Variants in PARD3B observed in about 807,000 individuals in gnomAD.
PARD3B encodes partitioning defective 3 homolog B.
A neutral mutation model predicts 130.2 loss-of-function variants in PARD3B; 103 were observed. That is an observed-to-expected ratio of 0.79 (90% CI 0.67 to 0.93). The LOEUF (loss-of-function observed/expected upper bound fraction) is 0.93. Ranked by LOEUF, PARD3B falls within the 40% of genes least tolerant of loss-of-function variation. PARD3B has a pLI of 0.00. For synonymous variants in PARD3B, 583 were observed against 553.2 expected (o/e 1.05, Z -0.76); for missense variants, 1,609 against 1,499.2 (o/e 1.07, Z -1.21).
intron 2 of PARD3B, among the ~76,000 whole-genome samples, chr2:204,792,138 TA>T (rs1242019016): frequency 7.2e-5 from 11 of 152,210 alleles, no homozygotes; most frequent in Admixed American, 3.3e-4. Flanking sequence ...GTTACAAATC[TA>T]ATTTAGAAAG....
At chr2:204,772,488 A>C (rs887289053) in intron 2 of PARD3B, among the ~76,000 whole-genome samples, 1 of 152,110 alleles carries the variant, frequency 6.6e-6, no homozygotes, top group Non-Finnish European at 1.5e-5. Context: ...CCATGGTTTT[A>C]ATCAAATATT....
chr2:204,675,082 A>G lies in PARD3B; in HGVS notation c.121-11099A>G, dbSNP rs947489550. Among the ~76,000 whole-genome samples the G allele has an allele frequency of 2.6e-5, 4 of 152,144 alleles. No homozygotes were observed. Among genetic ancestry groups the G allele is most frequent in the African/African-American group, 9.7e-5 (4 of 41,446 alleles). ...GCTTTGAATTCCTCTGGACCACACAAGTTTCTAAAACCTTGGCATCCAGGG... is the reference window on the plus strand; with the variant it reads ...GCTTTGAATTCCTCTGGACCACACAGGTTTCTAAAACCTTGGCATCCAGGG... On this transcript the variant is annotated intron_variant, in intron 1 of 22. Coordinates refer to ENST00000406610, the MANE Select transcript of PARD3B (RefSeq NM_001302769.2). This position sits in a 1 kb window ranked among gnomAD's most constrained non-coding sequence, Gnocchi z 4.4.
chr2:205,370,907 G>A (rs1034391989), intron 18 of PARD3B, among the ~76,000 whole-genome samples: 3 of 152,112 alleles, frequency 2.0e-5, no homozygotes, highest in Middle Eastern at 3.2e-3. Flanking sequence ...CTTTTGGCTT[G>A]TGGGTGGTCT....
chr2:205,006,267 G>A (rs1214207290), intron 3 of PARD3B, among the ~76,000 whole-genome samples: 4 of 152,152 alleles, frequency 2.6e-5, no homozygotes, highest in East Asian at 3.9e-4. Flanking sequence ...TTGTGCTGCT[G>A]TAAACGTGTG....
At chr2:204,557,034 C>T (rs1340315513) in intron 1 of PARD3B, among the ~76,000 whole-genome samples, 1 of 151,192 alleles carries the variant, frequency 6.6e-6, no homozygotes, top group Non-Finnish European at 1.5e-5. Flanking sequence ...CAGAGTCTCA[C>T]CCAGGGGCTT....
At chr2:205,109,243 C>T (rs1432134533) in intron 5 of PARD3B, among the ~76,000 whole-genome samples, 3 of 152,202 alleles carry the variant, frequency 2.0e-5, no homozygotes, top group Admixed American at 6.5e-5. Context: ...AGGTTATCCA[C>T]AGATTCTTCC....
At chr2:205,431,519 G>C (rs1394323916) in intron 19 of PARD3B, among the ~76,000 whole-genome samples, 1 of 150,814 alleles carries the variant, frequency 6.6e-6, no homozygotes, top group Admixed American at 6.6e-5. Context: ...GTCCAGGCTT[G>C]AGTGCAGTGG....
chr2:205,509,478 C>G (rs189133892), intron 21 of PARD3B, among the ~76,000 whole-genome samples: 4 of 152,250 alleles, frequency 2.6e-5, no homozygotes, highest in Admixed American at 2.6e-4. Flanking sequence ...TGGCACCCCA[C>G]TTAAGCCCAC....
At chr2:204,738,174 T>C (rs541290702) in intron 2 of PARD3B, among the ~76,000 whole-genome samples, 1 of 152,336 alleles carries the variant, frequency 6.6e-6, no homozygotes, top group South Asian at 2.1e-4. Flanking sequence ...AGTATGGTCA[T>C]TTTCACAATA....
chr2:205,462,902 T>A (rs991600970), intron 20 of PARD3B, among the ~76,000 whole-genome samples: 1 of 152,148 alleles, frequency 6.6e-6, no homozygotes, highest in Non-Finnish European at 1.5e-5. Context: ...GGCTCATGGG[T>A]CAAAGCCTTC....
intron 1 of PARD3B, among the ~76,000 whole-genome samples, chr2:204,558,643 A>T (rs543798256): frequency 6.6e-5 from 10 of 152,210 alleles, no homozygotes; most frequent in African/African-American, 9.7e-5. Flanking sequence ...ATTCAGTGCC[A>T]TCCCCATCAA....
At chr2:204,591,790 C>T (rs551963372) in intron 1 of PARD3B, among the ~76,000 whole-genome samples, 4 of 152,224 alleles carry the variant, frequency 2.6e-5, no homozygotes, top group South Asian at 2.1e-4. Context: ...TAAATTTTTA[C>T]GAACTTTTAC....
chr2:205,114,572 T>G (rs1184497845), intron 6 of PARD3B, among the ~76,000 whole-genome samples: 2 of 152,128 alleles, frequency 1.3e-5, no homozygotes, highest in Non-Finnish European at 2.9e-5. Flanking sequence ...AACTTCTCAC[T>G]TCATTGTTCT....
At chr2:205,496,427 G>A (rs899811849) in intron 20 of PARD3B, among the ~76,000 whole-genome samples, 4 of 152,104 alleles carry the variant, frequency 2.6e-5, no homozygotes, top group African/African-American at 7.2e-5. Flanking sequence ...TTGAGACATC[G>A]TCCCAGGTTA....
chr2:205,297,732 A>T (rs925428450), intron 16 of PARD3B, among the ~76,000 whole-genome samples: 2 of 152,106 alleles, frequency 1.3e-5, no homozygotes, highest in South Asian at 2.1e-4. Context: ...AATAAATAGA[A>T]TTTTTTTTCC....
intron 4 of PARD3B, chr2:205,048,675 A>C (rs1305792321): frequency 6.6e-6 from 1 of 152,208 alleles, no homozygotes; most frequent in Non-Finnish European, 1.5e-5. Context: ...GATTTGGTAT[A>C]AAATATTCTT....
rs541630213 is a variant in PARD3B at position 205,242,937 on chromosome 2, C to T, written c.2141-2841C>T. 2.0e-5 allele frequency among the ~76,000 whole-genome samples: 3 copies of T among 152,266 alleles called. No individual in the cohort carries two copies. The East Asian group carries it at 5.8e-4, about 29-fold the overall frequency. ...ATCCCAGCGCTTTGGGAGGCCAAAG[C>T]AGGCGGATCACCTGAGGTCAGGAGT... On this transcript the variant is annotated intron_variant, in intron 15 of 22. Coordinates refer to ENST00000406610, the MANE Select transcript of PARD3B (RefSeq NM_001302769.2).
At chr2:205,542,694 T>C (rs1465943019) in intron 21 of PARD3B, among the ~76,000 whole-genome samples, 1 of 152,174 alleles carries the variant, frequency 6.6e-6, no homozygotes, top group Non-Finnish European at 1.5e-5. Flanking sequence ...ATTCATCTTA[T>C]TGTATACGGT....
At position 205,258,483 on chromosome 2, in the gene PARD3B, C is replaced by T. The variant is rs1335946356; in HGVS notation, c.2185+12661C>T. 6.6e-6 allele frequency among the ~76,000 whole-genome samples: 1 copy of T among 152,144 alleles called. No homozygotes were observed. The highest frequency in any genetic ancestry group is 1.5e-5 in the Non-Finnish European group (1 of 68,004). On this transcript the variant is annotated intron_variant, in intron 16 of 22. Transcript: ENST00000406610. The surrounding 1 kb of genome is among the most constrained non-coding windows in gnomAD (Gnocchi z 4.9). ...TTTCTCTCACCTTACTGTTTACCTC[C>T]TTATAGAGCTAATCACAGTCTGTAG...
Sources: gnomAD v4.1 joint callset for allele counts (sites outside exome capture counted in the v4.1 genomes callset) on GRCh38, gnomAD v4.1.1 for gene constraint, Gnocchi (gnomAD v3.1) non-coding constraint, MANE v1.5 for transcripts, NCBI Gene and HGNC (gene_info 2026-07-23, HGNC 2026-07-21) for gene names.